The following MIA2 variants were observed in gnomAD, a reference collection of about 807,000 sequenced individuals.
The protein encoded by MIA2 is MIA SH3 domain ER export factor 2.
Under a neutral mutation model 167.8 loss-of-function variants are expected in MIA2, and 127 were observed. The observed-to-expected ratio is 0.76, with a 90% CI of 0.66 to 0.88. MIA2 has a LOEUF of 0.88. Among genes scored for constraint, MIA2 ranks in the 40% least tolerant of loss-of-function variants. The probability of loss-of-function intolerance (pLI) is 0.00; values close to 1 mark genes in which losing one functional copy is unlikely to be tolerated. For synonymous variants in MIA2, 552 were observed against 541.9 expected, an observed-to-expected ratio of 1.02 and a Z score of -0.26; for missense variants, 1,690 against 1,624.7, an observed-to-expected ratio of 1.04 and a Z score of -0.69.
At chr14:39,328,539 C>T (rs192949838) in intron 25 of MIA2, among the ~76,000 whole-genome samples, 58 of 152,288 alleles carry the variant, frequency 3.8e-4, no homozygotes, top group Admixed American at 6.5e-4. Flanking sequence ...AAGTCTTTGC[C>T]TATGCCTGTG....
intron 23 of MIA2, among the ~76,000 whole-genome samples, chr14:39,377,946 G>GT (rs1384395635): frequency 6.6e-6 from 1 of 152,142 alleles, no homozygotes; most frequent in Non-Finnish European, 1.5e-5. Context: ...CTGTCACCAA[G>GT]TGACATTCTT....
At chr14:39,284,366 T>G (rs1399753974) in intron 9 of MIA2, among the ~76,000 whole-genome samples, 1 of 152,190 alleles carries the variant, frequency 6.6e-6, no homozygotes, top group African/African-American at 2.4e-5. Flanking sequence ...CCATATTTAT[T>G]TGGATTTATT....
At chr14:39,251,715 A>C (rs958819481) in intron 4 of MIA2, among the ~76,000 whole-genome samples, 1 of 152,132 alleles carries the variant, frequency 6.6e-6, no homozygotes, top group Non-Finnish European at 1.5e-5. Context: ...TGCTATTACT[A>C]AATTACTGGT....
chr14:39,251,579 T>A (rs1205552818), intron 4 of MIA2, among the ~76,000 whole-genome samples: 1 of 152,142 alleles, frequency 6.6e-6, no homozygotes, highest in Non-Finnish European at 1.5e-5. Context: ...AATTATTGAA[T>A]AATCCTTTTT....
chr14:39,321,197 A>G, intron 24 of MIA2, 141 bp downstream of exon 24: 2 of 752,972 alleles, frequency 2.7e-6, no homozygotes, highest in East Asian at 2.8e-5. Context: ...TTTTATTTGG[A>G]AAAGGAGCTC....
At chr14:39,266,449 G>T (rs750250467) in intron 6 of MIA2, 2 of 985,354 alleles carry the variant, frequency 2.0e-6, no homozygotes, top group Admixed American at 6.2e-5. Context: ...GGTCCACGGG[G>T]ATTTGATTTA....
intron 23 of MIA2, among the ~76,000 whole-genome samples, chr14:39,364,812 A>G (rs1191539826): frequency 1.3e-5 from 2 of 151,236 alleles, no homozygotes; most frequent in Non-Finnish European, 2.9e-5. Context: ...CTGCTGAGAA[A>G]TCTGTGGTTA....
intron 6 of MIA2, chr14:39,266,980 G>A (rs1052083232): frequency 6.6e-6 from 5 of 759,010 alleles, no homozygotes; most frequent in Non-Finnish European, 8.1e-6. Context: ...GGAGTATGAG[G>A]CCGAATCTCA....
At chr14:39,314,299 A>C (rs2064916818) in intron 19 of MIA2, among the ~76,000 whole-genome samples, 1 of 152,050 alleles carries the variant, frequency 6.6e-6, no homozygotes, top group South Asian at 2.1e-4. Context: ...GTGCAGGAGA[A>C]TCATTTGAAC....
At chr14:39,304,503 G>A (rs960923664) in intron 17 of MIA2, 122 bp downstream of exon 17, 1 of 512,938 alleles carries the variant, frequency 1.9e-6, no homozygotes, top group Non-Finnish European at 3.3e-6. Context: ...TTTAACTTTT[G>A]TTCCTGTTGG....
intron 13 of MIA2, among the ~76,000 whole-genome samples, chr14:39,299,339 C>A (rs1359298130): frequency 9.7e-6 from 1 of 102,630 alleles, no homozygotes; most frequent in African/African-American, 3.7e-5. Flanking sequence ...GACGGAGTCT[C>A]GCTCTGTTGC....
At chr14:39,344,459 G>C (rs930703828) in intron 25 of MIA2, among the ~76,000 whole-genome samples, 1 of 152,134 alleles carries the variant, frequency 6.6e-6, no homozygotes, top group East Asian at 1.9e-4. Flanking sequence ...ATTTTGAAAG[G>C]GAGTGTAAAT....
At chr14:39,317,150 C>T (rs1202367649) in intron 21 of MIA2, among the ~76,000 whole-genome samples, 3 of 152,024 alleles carry the variant, frequency 2.0e-5, no homozygotes, top group African/African-American at 7.3e-5. Context: ...ACAGGGCAGG[C>T]AGGAAAACCC....
Position 39,385,292 on chromosome 14 carries a change from C to T in MIA2, c.2249-1593C>T, listed in dbSNP as rs2075253245. ...TTCCTATGCAGTAAAGTGAAGATAA[C>T]AAAAAAATCCACACAACTTCCAAAT... On this transcript the variant is annotated intron_variant, in intron 23 of 23. Transcript: ENST00000341502. The T allele has an allele frequency of 6.0e-6, 4 of 661,282 alleles. No individual in the cohort carries two copies. In the Admixed American group the frequency reaches 9.8e-5, roughly 16 times the overall value. The allele number at this position is 661,282 out of a possible 1,614,324, so 41.0% of individuals were successfully genotyped here. A position where few individuals can be genotyped will look rare whatever the true frequency, so the allele number is the denominator to read the frequency against.
chr14:39,386,687 A>G, intron 23 of MIA2: 1 of 1,154,882 alleles, frequency 8.7e-7, no homozygotes, highest in Non-Finnish European at 1.3e-6. Context: ...CATTATTGTT[A>G]TTGTTTTCTT....
chr14:39,347,585 G>T, intron 26 of MIA2, 128 bp from the exon 27 acceptor site: 3 of 840,780 alleles, frequency 3.6e-6, no homozygotes, highest in Non-Finnish European at 5.9e-6. Context: ...CGCAATATAG[G>T]ATATTGGTGT....
rs939336140 is a variant in MIA2, at chr14:39,268,879, G to A, written c.1888-8055G>A. On this transcript the variant is annotated intron_variant, in intron 6 of 28. Transcript: ENST00000640607. ...TAGAAGGACTCCCAGGTTTCTGGCT[G>A]TGGTAACTTATTCATGGAGGTAGGG... 1.3e-4 allele frequency: 49 copies of A among 385,332 alleles called. 1 individual carries two copies. The highest frequency in any genetic ancestry group is 2.1e-5 in the Non-Finnish European group (6 of 281,346). The allele number at this position is 385,332 out of a possible 1,614,324, so 23.9% of individuals were successfully genotyped here. A position where few individuals can be genotyped will look rare whatever the true frequency, so the allele number is the denominator to read the frequency against.
At position 39,252,438 on chromosome 14, in the gene MIA2, G is replaced by C. The variant is rs79832132; in HGVS notation, c.1568-310G>C. 7.7e-3 allele frequency among the ~76,000 whole-genome samples: 1,169 copies of C among 152,244 alleles called. 14 individuals carry two copies. The highest frequency in any genetic ancestry group is 0.026 in the African/African-American group (1,066 of 41,538). ...AGAAAGCAGAAAAAGCAAGGAAATA[G>C]ATTCTGCCCTAGAGCCTCCTGAAGG... On this transcript the variant is annotated intron_variant, in intron 4 of 28. Coordinates refer to ENST00000640607, the MANE Select transcript of MIA2 (RefSeq NM_001329214.4).
intron 23 of MIA2, among the ~76,000 whole-genome samples, chr14:39,385,157 G>A (rs962124281): frequency 2.0e-5 from 3 of 152,120 alleles, no homozygotes; most frequent in African/African-American, 7.2e-5. Flanking sequence ...ATACAACAAT[G>A]TCTGCAGGGA....
Sources: gnomAD v4.1 joint callset for allele counts (sites outside exome capture counted in the v4.1 genomes callset) on GRCh38, gnomAD v4.1.1 for gene constraint, MANE v1.5 for transcripts, NCBI Gene and HGNC (gene_info 2026-07-23, HGNC 2026-07-21) for gene names.